ITPR2: variants seen among roughly 807,000 people sequenced by gnomAD.
ITPR2 encodes the protein inositol 1,4,5-trisphosphate-gated calcium channel ITPR2.
In ITPR2, 207 loss-of-function variants were observed where a neutral mutation model predicts 317.1. That is an observed-to-expected ratio of 0.65 (90% confidence interval 0.58 to 0.73). The LOEUF (loss-of-function observed/expected upper bound fraction) is 0.73. Ranked by LOEUF, ITPR2 falls within the 30% of genes least tolerant of loss-of-function variation. The pLI is 0.00. For missense variants in ITPR2, 2,613 were observed against 3,284.0 expected, an observed-to-expected ratio of 0.80 and a Z score of 4.99; for synonymous variants, 1,156 against 1,149.1, an observed-to-expected ratio of 1.01 and a Z score of -0.12.
intron 45 of ITPR2, among the ~76,000 whole-genome samples, chr12:26,458,926 C>T (rs1288755187): frequency 6.6e-6 from 1 of 152,206 alleles, no homozygotes; most frequent in Non-Finnish European, 1.5e-5. Flanking sequence ...TTAATTAGCA[C>T]AGTTGCTGTG....
chr12:26,455,704 A>G lies in ITPR2; in HGVS notation c.6343-12054T>C, dbSNP rs147678162. 5.9e-3 allele frequency among the ~76,000 whole-genome samples: 901 copies of G among 152,350 alleles called. 4 individuals are homozygous for G. The highest frequency in any genetic ancestry group is 0.031 in the Middle Eastern group (9 of 294). ...GGGAAGAAAGAGAAAATTTAAAGAA[A>G]AACTCATTTGGAAAAACTTATTGTC... is the stretch of plus-strand genomic sequence containing the variant. On this transcript the variant is annotated intron_variant, in intron 45 of 56. Coordinates refer to ENST00000381340, the MANE Select transcript of ITPR2 (RefSeq NM_002223.4).
intron 1 of ITPR2, among the ~76,000 whole-genome samples, chr12:26,817,922 T>C (rs561644808): frequency 2.0e-5 from 3 of 152,232 alleles, no homozygotes; most frequent in Admixed American, 6.5e-5. Context: ...AAGTATAGCC[T>C]GTGGTCACAC....
rs1183333069 is a variant in ITPR2, at chr12:26,339,135, C to G, written c.*262G>C. On this transcript the variant is annotated 3_prime_UTR_variant, in exon 57 of 57. Coordinates refer to ENST00000381340, the MANE Select transcript of ITPR2 (RefSeq NM_002223.4). ...TCCTGCCGCTCCCTGCCCTCTCCAG[C>G]CTTTTGGGCAAGCCTTTTCTTCCTG... is the stretch of plus-strand genomic sequence containing the variant. The G allele has an allele frequency of 5.3e-6, 2 of 377,984 alleles. No individual in the cohort carries two copies. The highest frequency in any genetic ancestry group is 9.6e-6 in the Non-Finnish European group (2 of 207,890). 23.4% of individuals were successfully genotyped at this position (377,984 alleles called of 1,614,324 possible).
intron 2 of ITPR2, among the ~76,000 whole-genome samples, chr12:26,773,756 A>G (rs146311047): frequency 1.5e-4 from 23 of 152,198 alleles, no homozygotes; most frequent in African/African-American, 5.3e-4. Flanking sequence ...GCACTTTTAC[A>G]ATCCTGACTA....
At chr12:26,567,937 GTATATATATATATTATATATA>G (rs1277938348) in intron 34 of ITPR2, among the ~76,000 whole-genome samples, 3 of 62,238 alleles carry the variant, frequency 4.8e-5, no homozygotes, top group African/African-American at 1.8e-4. Flanking sequence ...AAAAATTCTG[GTATATATATATATTATATATA>G]TATATATATA....
chr12:26,716,056 A>G, intron 6 of ITPR2, 88 bp downstream of exon 6: 2 of 882,150 alleles, frequency 2.3e-6, no homozygotes, highest in South Asian at 1.6e-5. Flanking sequence ...TATGCTCATG[A>G]AAACAATGAA....
intron 2 of ITPR2, among the ~76,000 whole-genome samples, chr12:26,768,791 G>C (rs1272160402): frequency 6.6e-6 from 1 of 152,010 alleles, no homozygotes; most frequent in Admixed American, 6.6e-5. Flanking sequence ...CATGCAGCCT[G>C]TCTAAATAGA....
At chr12:26,611,620 G>A (rs1166821273) in intron 26 of ITPR2, among the ~76,000 whole-genome samples, 1 of 152,112 alleles carries the variant, frequency 6.6e-6, no homozygotes, top group Non-Finnish European at 1.5e-5. Context: ...GATAGATATA[G>A]AGATAAATAT....
At chr12:26,823,834 T>TACAC (rs144146227) in intron 1 of ITPR2, among the ~76,000 whole-genome samples, 4 of 151,700 alleles carry the variant, frequency 2.6e-5, no homozygotes, top group African/African-American at 9.7e-5. Context: ...AAATTTCAAT[T>TACAC]ACACACACAC....
intron 2 of ITPR2, among the ~76,000 whole-genome samples, chr12:26,789,573 T>C (rs763165223): frequency 2.6e-5 from 4 of 152,228 alleles, no homozygotes; most frequent in Non-Finnish European, 5.9e-5. Flanking sequence ...AGTTTTAGCT[T>C]TCTGTGATTC....
At chr12:26,542,181 C>T (rs188197269) in intron 37 of ITPR2, among the ~76,000 whole-genome samples, 1 of 152,262 alleles carries the variant, frequency 6.6e-6, no homozygotes, top group East Asian at 1.9e-4. Flanking sequence ...CGACTCAGAC[C>T]GTGATCACAA....
At chr12:26,517,420 A>G (rs1161604288) in intron 37 of ITPR2, among the ~76,000 whole-genome samples, 1 of 152,226 alleles carries the variant, frequency 6.6e-6, no homozygotes, top group Non-Finnish European at 1.5e-5. Context: ...AAGAACACAT[A>G]CATGTGGCCA....
At chr12:26,346,389 G>A (rs1227754511) in intron 55 of ITPR2, among the ~76,000 whole-genome samples, 2 of 152,300 alleles carry the variant, frequency 1.3e-5, no homozygotes, top group East Asian at 1.9e-4. Context: ...TTGGGAGGCC[G>A]AGGTGGGCAG....
chr12:26,584,215 T>C (rs1424635136), intron 32 of ITPR2, among the ~76,000 whole-genome samples: 1 of 152,182 alleles, frequency 6.6e-6, no homozygotes, highest in Non-Finnish European at 1.5e-5. Flanking sequence ...AGGATTCCTG[T>C]TTATTTAAAC....
chr12:26,732,767 C>G (rs965640445), intron 2 of ITPR2, among the ~76,000 whole-genome samples: 2 of 152,156 alleles, frequency 1.3e-5, no homozygotes, highest in Admixed American at 6.6e-5. Context: ...TGTTTAAATG[C>G]TGTTCGTAAT....
intron 2 of ITPR2, among the ~76,000 whole-genome samples, chr12:26,778,898 T>A (rs1459274773): frequency 6.6e-6 from 1 of 152,116 alleles, no homozygotes; most frequent in Non-Finnish European, 1.5e-5. Flanking sequence ...GAAGGGTAAA[T>A]TGCTGCATTT....
At chr12:26,619,653 G>T (rs557941668) in intron 26 of ITPR2, among the ~76,000 whole-genome samples, 1 of 152,066 alleles carries the variant, frequency 6.6e-6, no homozygotes, top group African/African-American at 2.4e-5. Flanking sequence ...GATGCCGTCA[G>T]GAGAAAGACT....
intron 2 of ITPR2, among the ~76,000 whole-genome samples, chr12:26,740,649 C>A (rs146531420): frequency 6.6e-6 from 1 of 152,084 alleles, no homozygotes; most frequent in East Asian, 1.9e-4. Flanking sequence ...CCCTGAGATA[C>A]GGAAATGGAT....
At chr12:26,712,777 C>T (rs887824992) in intron 8 of ITPR2, among the ~76,000 whole-genome samples, 5 of 152,122 alleles carry the variant, frequency 3.3e-5, no homozygotes, top group African/African-American at 9.7e-5. Context: ...AAGGGCAGTA[C>T]GGCTCCCTAG....
Sources: allele counts gnomAD v4.1 joint callset (sites outside exome capture counted in the v4.1 genomes callset), GRCh38; gene constraint gnomAD v4.1.1; transcripts MANE v1.5; gene names NCBI Gene and HGNC (gene_info 2026-07-23, HGNC 2026-07-21).